Variants in SCGN observed in about 807,000 individuals in gnomAD.
SCGN encodes secretagogin.
Under a neutral mutation model 39.7 loss-of-function variants are expected in SCGN, and 30 were observed. The observed-to-expected ratio is 0.76, with a 90% CI of 0.57 to 1.03. SCGN has a LOEUF of 1.03. Ranked by LOEUF, SCGN falls within the 50% of genes least tolerant of loss-of-function variation. SCGN has a pLI of 0.00. For missense variants in SCGN, 353 were observed against 349.4 expected (o/e 1.01, Z -0.08); for synonymous variants, 106 against 114.1 (o/e 0.93, Z 0.45).
intron 2 of SCGN, among the ~76,000 whole-genome samples, 153 bp downstream of exon 2, chr6:25,653,605 T>A (rs1760173840): frequency 6.6e-6 from 1 of 152,168 alleles, no homozygotes; most frequent in Non-Finnish European, 1.5e-5. Context: ...CATAGAGGGA[T>A]TTAGGCAGTT....
chr6:25,685,287 C>G (rs913432171), intron 7 of SCGN, among the ~76,000 whole-genome samples: 1 of 152,192 alleles, frequency 6.6e-6, no homozygotes, highest in African/African-American at 2.4e-5. Flanking sequence ...GAAACTAATA[C>G]AACAACAAAG....
At position 25,689,456 on chromosome 6, in the gene SCGN, G is replaced by A. The variant is rs763892776; in HGVS notation, c.574-17G>A. The A allele has an allele frequency of 2.4e-5, 38 of 1,609,954 alleles. No homozygotes were observed. The highest frequency in any genetic ancestry group is 3.0e-5 in the Non-Finnish European group (35 of 1,176,462). On this transcript the variant is annotated splice_polypyrimidine_tract_variant and intron_variant, in intron 8 of 10. Coordinates refer to ENST00000377961, the MANE Select transcript of SCGN (RefSeq NM_006998.4). Reference sequence around the variant, plus strand: ...TGTCACATTGCTGGACTGACATAATGTTTTTTCCTTACACAGGCTTGTTCT... The same window carrying A: ...TGTCACATTGCTGGACTGACATAATATTTTTTCCTTACACAGGCTTGTTCT...
At chr6:25,678,869 C>G (rs1325175019) in intron 6 of SCGN, 2 of 155,174 alleles carry the variant, frequency 1.3e-5, no homozygotes, top group Non-Finnish European at 1.5e-5. Context: ...TTGCCTTCCC[C>G]TTGTCTTCCT....
chr6:25,689,175 T>C lies in SCGN; in HGVS notation c.531T>C (p.Ile177=). ...ATTTTTTTTTTTTTCTATTTAGGAT[T>C]CTGGCTCTTCAGGAAAACTTCCTTC... is the stretch of plus-strand genomic sequence containing the variant. ...GRLDLNDLAR[I]LALQENFLLQ... Residue 177 remains isoleucine (I), a synonymous_variant, in exon 8 of 11, where the codon ATT becomes ATC. Coordinates refer to ENST00000377961, the MANE Select transcript of SCGN (RefSeq NM_006998.4). 1 of 1,590,490 alleles carries C rather than the reference T, an allele frequency of 6.3e-7. No homozygotes were observed. Among genetic ancestry groups the C allele is most frequent in the Non-Finnish European group, 8.6e-7 (1 of 1,166,154 alleles).
chr6:25,678,619 A>G (rs1049834367), intron 6 of SCGN: 14 of 152,264 alleles, frequency 9.2e-5, no homozygotes, highest in African/African-American at 3.4e-4. Context: ...AGATATGGGT[A>G]TGCCTGGTGT....
At chr6:25,692,313 A>G (rs2151382986) in intron 10 of SCGN, among the ~76,000 whole-genome samples, 1 of 152,294 alleles carries the variant, frequency 6.6e-6, no homozygotes, top group South Asian at 2.1e-4. Context: ...GCTAAATTAG[A>G]GTTTTAATTT....
At position 25,652,228 on chromosome 6, in the gene SCGN, G is replaced by A; in HGVS notation, c.-176G>A. On this transcript the variant is annotated 5_prime_UTR_variant, in exon 1 of 11. Transcript: ENST00000377961. ...GCCGCTGGTTTTGCTGAGGGCTGAG[G>A]GACGGCTCAGCGACGCCACGGCCAG... 1 of 591,926 alleles carries A rather than the reference G, an allele frequency of 1.7e-6. No homozygotes were observed. Among genetic ancestry groups the A allele is most frequent in the Non-Finnish European group, 3.0e-6 (1 of 333,164 alleles). The allele number at this position is 591,926 out of a possible 1,614,324, so 36.7% of individuals were successfully genotyped here.
At chr6:25,668,837 C>G (rs989448597) in intron 4 of SCGN, among the ~76,000 whole-genome samples, 1 of 152,146 alleles carries the variant, frequency 6.6e-6, no homozygotes, top group Non-Finnish European at 1.5e-5. Context: ...ATTGGCCGGG[C>G]GCAGTGGCTC....
chr6:25,701,649 G>T lies in SCGN; in HGVS notation c.*314G>T, dbSNP rs1479688600. 2 of 219,672 alleles carry T rather than the reference G, an allele frequency of 9.1e-6. No individual in the cohort carries two copies. Among genetic ancestry groups the T allele is most frequent in the Non-Finnish European group, 8.8e-6 (1 of 113,064 alleles). The allele number at this position is 219,672 out of a possible 1,614,324, so 13.6% of individuals were successfully genotyped here. ...CAGGGTGGGGGGGACAGGGGCAGCT[G>T]AGTGCATTCATTTTGTGCTTTTCTT... On this transcript the variant is annotated 3_prime_UTR_variant, in exon 11 of 11. Coordinates refer to ENST00000377961, the MANE Select transcript of SCGN (RefSeq NM_006998.4).
chr6:25,679,937 A>G (rs1216612660), intron 6 of SCGN, among the ~76,000 whole-genome samples: 1 of 152,212 alleles, frequency 6.6e-6, no homozygotes, highest in Non-Finnish European at 1.5e-5. Flanking sequence ...TAGAGCTAAG[A>G]GCCTGGTTTT....
chr6:25,688,028 A>C (rs562323719), intron 7 of SCGN, among the ~76,000 whole-genome samples: 31 of 152,316 alleles, frequency 2.0e-4, no homozygotes, highest in African/African-American at 7.0e-4. Context: ...TTATCTTTAT[A>C]TATTGTGTGC....
chr6:25,699,741 G>C (rs1759885047), intron 10 of SCGN, among the ~76,000 whole-genome samples: 1 of 152,112 alleles, frequency 6.6e-6, no homozygotes, highest in Non-Finnish European at 1.5e-5. Context: ...TGCAAATAAA[G>C]GATTCAAACT....
chr6:25,665,138 G>A (rs1363433511), intron 4 of SCGN, 106 bp downstream of exon 4: 12 of 841,670 alleles, frequency 1.4e-5, no homozygotes, highest in Non-Finnish European at 2.3e-5. Context: ...TCAAGGGAGA[G>A]CTGAGCACAG....
rs144783115 is a variant in SCGN at position 25,698,991 on chromosome 6, G to A, written c.703-2216G>A. Among the ~76,000 whole-genome samples, 1,455 of 152,170 alleles carry A rather than the reference G, an allele frequency of 9.6e-3. 22 individuals are homozygous for A. Among genetic ancestry groups the A allele is most frequent in the African/African-American group, 0.027 (1,100 of 41,508 alleles). ...AACGAGTCTTAACGTGGCTTGGCTA[G>A]TTAAGGAACAATTTTTTTTTCTTCC... On this transcript the variant is annotated intron_variant, in intron 10 of 10. Coordinates refer to ENST00000377961, the MANE Select transcript of SCGN (RefSeq NM_006998.4).
At chr6:25,654,120 C>T (rs72838855) in intron 2 of SCGN, among the ~76,000 whole-genome samples, 3,493 of 152,170 alleles carry the variant, frequency 0.023, 37 homozygotes, top group Middle Eastern at 0.041. Flanking sequence ...GGGATGGGCT[C>T]GATCTGATGA....
Position 25,659,977 on chromosome 6 carries a change from T to A in SCGN, c.154-1575T>A, listed in dbSNP as rs143822628. Among the ~76,000 whole-genome samples, 528 of 152,112 alleles carry A rather than the reference T, an allele frequency of 3.5e-3. 3 individuals carry two copies. Among genetic ancestry groups the A allele is most frequent in the African/African-American group, 0.011 (476 of 41,496 alleles). On this transcript the variant is annotated intron_variant, in intron 2 of 10. Transcript: ENST00000377961. ...ACAGAAACATTTTCTCAGCCAGTGA[T>A]GGGAAAATGATAAAGGAGAATTTCC...
intron 10 of SCGN, among the ~76,000 whole-genome samples, chr6:25,698,080 A>T (rs1267890172): frequency 6.6e-6 from 1 of 152,184 alleles, no homozygotes; most frequent in Admixed American, 6.5e-5. Context: ...TGTTATAAAA[A>T]CTGTTGTTAA....
At chr6:25,695,676 G>A (rs1759828921) in intron 10 of SCGN, among the ~76,000 whole-genome samples, 1 of 152,110 alleles carries the variant, frequency 6.6e-6, no homozygotes, top group Admixed American at 6.5e-5. Flanking sequence ...ATTCACAGGT[G>A]CATGCCACCA....
chr6:25,661,722 A>G (rs1176950671), intron 3 of SCGN, 78 bp downstream of exon 3: 1 of 958,036 alleles, frequency 1.0e-6, no homozygotes, highest in African/African-American at 1.7e-5. Context: ...CTTGGGCTGT[A>G]ATATTCTTTG....
Sources: gnomAD v4.1 joint callset for allele counts (sites outside exome capture counted in the v4.1 genomes callset) on GRCh38, gnomAD v4.1.1 for gene constraint, MANE v1.5 for transcripts, NCBI Gene and HGNC (gene_info 2026-07-23, HGNC 2026-07-21) for gene names.